LGALS8: variants seen among roughly 807,000 people sequenced by gnomAD.
LGALS8 encodes the protein galectin 8, also known as galectin-8.
In LGALS8, 30 loss-of-function variants were observed where a neutral mutation model predicts 35.9. The observed-to-expected ratio is 0.83, with a 90% confidence interval of 0.62 to 1.13. LGALS8 has a LOEUF of 1.13. LGALS8 is among the 50% of genes most tolerant of loss of function. The pLI, the probability that LGALS8 is intolerant of heterozygous loss-of-function variation, is 0.00. For synonymous variants in LGALS8, 138 were observed against 136.1 expected, an observed-to-expected ratio of 1.01 and a Z score of -0.10; for missense variants, 366 against 388.7, an observed-to-expected ratio of 0.94 and a Z score of 0.49.
chr1:236,537,373 GAGC>G (rs34691668), intron 2 of LGALS8, 121 bp from the exon 3 acceptor site: 418,794 of 681,440 alleles, frequency 0.61, 132,808 homozygotes, highest in Non-Finnish European at 0.67. Flanking sequence ...GCTGGATTCT[GAGC>G]AGATTTATGT....
chr1:236,538,255 G>C (rs952189764), intron 3 of LGALS8, among the ~76,000 whole-genome samples: 1 of 152,138 alleles, frequency 6.6e-6, no homozygotes, highest in Non-Finnish European at 1.5e-5. Flanking sequence ...GGTATCATTA[G>C]TGTTGGGCTC....
At chr1:236,538,813 C>G (rs1363263105) in intron 3 of LGALS8, 66 bp from the exon 4 acceptor site, 1 of 1,116,008 alleles carries the variant, frequency 9.0e-7, no homozygotes, top group Non-Finnish European at 1.4e-6. Context: ...GTAGTGCCTG[C>G]TGGTCCTTTA....
At chr1:236,543,863 G>T (rs116269427) in intron 8 of LGALS8, among the ~76,000 whole-genome samples, 1 of 152,234 alleles carries the variant, frequency 6.6e-6, no homozygotes, top group African/African-American at 2.4e-5. Context: ...TTTCTGGCCA[G>T]ACAAGAGAGT....
intron 2 of LGALS8, among the ~76,000 whole-genome samples, chr1:236,528,546 A>ATTTTTTTTT (rs61261486): frequency 9.6e-6 from 1 of 104,240 alleles, no homozygotes; most frequent in Non-Finnish European, 1.8e-5. Context: ...AATGTTTCCA[A>ATTTTTTTTT]TTTTTTTTTT....
At chr1:236,544,971 G>A in intron 9 of LGALS8, 56 bp downstream of exon 9, 13 of 1,356,534 alleles carry the variant, frequency 9.6e-6, no homozygotes, top group Non-Finnish European at 1.0e-6. Context: ...GAGCAGGGGT[G>A]GGATAAGTGG....
chr1:236,544,722 G>GTTT (rs5781896), intron 8 of LGALS8, 28 bp from the exon 9 acceptor site: 39,849 of 1,344,444 alleles, frequency 0.03, 286 homozygotes, highest in Admixed American at 0.099. Flanking sequence ...GTTAATTAAG[G>GTTT]TTTTTTTTTT....
chr1:236,537,021 C>CTTTTTTTTTTTTTTTTTTTT lies in LGALS8; in HGVS notation c.46-463_46-462insTTTTTTTTTTTTTTTTTTTT, dbSNP rs60024224. Reference sequence around the variant, plus strand: ...ATCCTGGCCATGAGGTATGCAGTTCCTTTTTTTTTTTTTGAGACGGAGCCT... The same window carrying CTTTTTTTTTTTTTTTTTTTT: ...ATCCTGGCCATGAGGTATGCAGTTCCTTTTTTTTTTTTTTTTTTTTTTTTTTTTTTTTTGAGACGGAGCCT... On this transcript the variant is annotated intron_variant, in intron 2 of 9. Transcript: ENST00000366584. Among the ~76,000 whole-genome samples the CTTTTTTTTTTTTTTTTTTTT allele has an allele frequency of 3.6e-5, 5 of 137,850 alleles. 1 individual carries two copies. Among genetic ancestry groups the CTTTTTTTTTTTTTTTTTTTT allele is most frequent in the African/African-American group, 1.5e-4 (5 of 34,404 alleles). 90.4% of individuals were successfully genotyped at this position (137,850 alleles called of 152,430 possible).
intron 6 of LGALS8, among the ~76,000 whole-genome samples, chr1:236,542,057 G>A (rs2103099499): frequency 6.6e-6 from 1 of 152,308 alleles, no homozygotes; most frequent in Non-Finnish European, 1.5e-5. Flanking sequence ...GAGAATAACT[G>A]CAATTTAAAA....
chr1:236,544,509 G>C (rs1662233513), intron 8 of LGALS8, among the ~76,000 whole-genome samples: 1 of 148,024 alleles, frequency 6.8e-6, no homozygotes, highest in Non-Finnish European at 1.5e-5. Context: ...CCACATCTCA[G>C]CCTCAACGCT....
intron 1 of LGALS8, 112 bp from the exon 2 acceptor site, chr1:236,525,856 C>G (rs772342443): frequency 2.5e-5 from 10 of 403,384 alleles, no homozygotes; most frequent in East Asian, 2.2e-4. Context: ...TAATAATATT[C>G]TATTATTTGG....
chr1:236,544,946 C>G (rs1662272044), intron 9 of LGALS8, 31 bp downstream of exon 9: 1 of 1,543,202 alleles, frequency 6.5e-7, no homozygotes, highest in Admixed American at 1.8e-5. Context: ...AATGGGACAG[C>G]AATAAGAATC....
At chr1:236,537,926 C>CCCA (rs1553277035) in intron 3 of LGALS8, among the ~76,000 whole-genome samples, 3 of 99,344 alleles carry the variant, frequency 3.0e-5, no homozygotes, top group Non-Finnish European at 7.4e-5. Flanking sequence ...AGTGAGACCC[C>CCCA]CCATCTGTAA....
upstream of LGALS8, among the ~76,000 whole-genome samples, chr1:236,519,425 T>C (rs1175822537): frequency 6.6e-6 from 1 of 151,992 alleles, no homozygotes; most frequent in East Asian, 1.9e-4. Flanking sequence ...AATGTGTGGC[T>C]ATATTATACC....
Position 236,550,803 on chromosome 1 carries a change from A to C in LGALS8, c.*2642A>C. 1 of 868,006 alleles carries C rather than the reference A, an allele frequency of 1.2e-6. No individual in the cohort carries two copies. The highest frequency in any genetic ancestry group is 1.8e-6 in the Non-Finnish European group (1 of 552,386). The allele number at this position is 868,006 out of a possible 1,614,324, so 53.8% of individuals were successfully genotyped here. On this transcript the variant is annotated 3_prime_UTR_variant, in exon 10 of 10. Coordinates refer to ENST00000366584, the MANE Select transcript of LGALS8 (RefSeq NM_201544.4). ...ATTTGTAAGTAATCCAAGTAGGTGT[A>C]TTAAGGCACCAAAAGTAACATGGCA...
In LGALS8 at chr1:236,551,120, T is replaced by C. The variant is rs1252066704; in HGVS notation, c.*2959T>C. The stretch of plus-strand genomic sequence containing the variant: ...AATCAAAAGAGTGAAATGAAGCACA[T>C]TAACAAAGCAGGAGGCGCCACGGAC... On this transcript the variant is annotated 3_prime_UTR_variant, in exon 10 of 10. Transcript: ENST00000366584. The C allele has an allele frequency of 2.7e-6, 2 of 739,058 alleles. No individual in the cohort carries two copies. Among genetic ancestry groups the C allele is most frequent in the Non-Finnish European group, 4.3e-6 (2 of 470,382 alleles). The allele number at this position is 739,058 out of a possible 1,614,324, so 45.8% of individuals were successfully genotyped here. A position where few individuals can be genotyped will look rare whatever the true frequency, so the allele number is the denominator to read the frequency against.
chr1:236,545,769 T>C (rs1662324847), intron 9 of LGALS8, among the ~76,000 whole-genome samples: 1 of 92,164 alleles, frequency 1.1e-5, no homozygotes, highest in Non-Finnish European at 2.8e-5. Context: ...TCATGGAAGG[T>C]TCCCTGAAGT....
In LGALS8 at chr1:236,551,105, G is replaced by T; in HGVS notation, c.*2944G>T. The T allele has an allele frequency of 2.5e-6, 2 of 798,750 alleles. No homozygotes were observed. Among genetic ancestry groups the T allele is most frequent in the Non-Finnish European group, 3.8e-6 (2 of 521,096 alleles). The allele number at this position is 798,750 out of a possible 1,614,324, so 49.5% of individuals were successfully genotyped here. A position where few individuals can be genotyped will look rare whatever the true frequency, so the allele number is the denominator to read the frequency against. On this transcript the variant is annotated 3_prime_UTR_variant, in exon 10 of 10. Transcript: ENST00000366584. ...TTCCGGCAATCATTCAATCAAAAGA[G>T]TGAAATGAAGCACATTAACAAAGCA...
upstream of LGALS8, among the ~76,000 whole-genome samples, chr1:236,520,772 G>A (rs1192781387): frequency 6.6e-6 from 1 of 152,190 alleles, no homozygotes; most frequent in Non-Finnish European, 1.5e-5. Context: ...CCTAGGTGGT[G>A]CCATCCAATC....
rs780990260 is a variant in LGALS8, at chr1:236,526,025, A to G, written c.-46A>G. The G allele has an allele frequency of 8.6e-6, 13 of 1,518,718 alleles. No homozygotes were observed. The highest frequency in any genetic ancestry group is 1.4e-5 in the African/African-American group (1 of 73,050). 94.1% of individuals were successfully genotyped at this position (1,518,718 alleles called of 1,614,324 possible). ...TTAAATGAAACTTGCCTAAAATCTTAGGTCATACACAGAAGAGACTCCAAT... is the reference window on the plus strand; with the variant it reads ...TTAAATGAAACTTGCCTAAAATCTTGGGTCATACACAGAAGAGACTCCAAT... On this transcript the variant is annotated 5_prime_UTR_variant, in exon 2 of 10. Coordinates refer to ENST00000366584, the MANE Select transcript of LGALS8 (RefSeq NM_201544.4). This position sits in a 1 kb window ranked among gnomAD's most constrained non-coding sequence, Gnocchi z 4.6.
Sources: gnomAD v4.1 joint callset for allele counts (sites outside exome capture counted in the v4.1 genomes callset) on GRCh38, gnomAD v4.1.1 for gene constraint, Gnocchi (gnomAD v3.1) non-coding constraint, MANE v1.5 for transcripts, NCBI Gene and HGNC (gene_info 2026-07-23, HGNC 2026-07-21) for gene names.